TP63: variants seen among roughly 807,000 people sequenced by gnomAD.
TP63 encodes the protein tumor protein 63.
TP63 carries 17 observed loss-of-function variants against 82.8 expected under a neutral mutation model. The ratio of observed to expected loss-of-function variants is 0.21; its 90% CI spans 0.14 to 0.31. The LOEUF (loss-of-function observed/expected upper bound fraction) is 0.31, where lower values mean the gene tolerates loss of function less well. TP63 is among the 10% of genes least tolerant of loss of function. The pLI is 1.00. For missense variants in TP63, 648 were observed against 895.3 expected (o/e 0.72, Z 3.52); for synonymous variants, 330 against 321.7 (o/e 1.03, Z -0.28).
chr3:189,665,898 A>G (rs953609881), intron 1 of TP63, among the ~76,000 whole-genome samples: 2 of 152,102 alleles, frequency 1.3e-5, no homozygotes, highest in African/African-American at 4.8e-5. Flanking sequence ...AGCTTCCAGT[A>G]TATAAAAGCA....
chr3:189,809,591 A>G (rs531758784), intron 4 of TP63, among the ~76,000 whole-genome samples: 8 of 152,344 alleles, frequency 5.3e-5, no homozygotes, highest in African/African-American at 1.9e-4. Flanking sequence ...TCCAAATATC[A>G]TCATCTTAAT....
intron 1 of TP63, among the ~76,000 whole-genome samples, chr3:189,706,059 G>A (rs1718174330): frequency 6.6e-6 from 1 of 152,116 alleles, no homozygotes; most frequent in South Asian, 2.1e-4. Flanking sequence ...GCTTTGAATT[G>A]TGCATTTTAA....
At chr3:189,660,493 A>G (rs930530137) in intron 1 of TP63, among the ~76,000 whole-genome samples, 5 of 151,906 alleles carry the variant, frequency 3.3e-5, no homozygotes, top group Non-Finnish European at 7.4e-5. Context: ...AAGTTGGGTA[A>G]TGTGATGTCT....
At chr3:189,632,362 C>CAA (rs1729514388) in intron 1 of TP63, among the ~76,000 whole-genome samples, 1 of 152,024 alleles carries the variant, frequency 6.6e-6, no homozygotes, top group Non-Finnish European at 1.5e-5. Flanking sequence ...GGTGAGGTTA[C>CAA]AAAGGGTTAA....
the TP63 span, among the ~76,000 whole-genome samples, chr3:189,617,410 A>G: frequency 1.3e-5 from 2 of 152,304 alleles, 1 homozygote; most frequent in East Asian, 3.9e-4. Flanking sequence ...ATAAACAAAA[A>G]TATATTCATC....
intron 1 of TP63, among the ~76,000 whole-genome samples, chr3:189,641,323 G>A (rs1362844226): frequency 2.6e-5 from 4 of 151,990 alleles, no homozygotes; most frequent in Admixed American, 2.0e-4. Context: ...GAAGATCTTC[G>A]AAGCTCAGGT....
chr3:189,801,882 T>A (rs1435127916), intron 3 of TP63, among the ~76,000 whole-genome samples: 1 of 152,228 alleles, frequency 6.6e-6, no homozygotes, highest in African/African-American at 2.4e-5. Flanking sequence ...TATTCACTTT[T>A]TATATAATTT....
chr3:189,843,026 G>A (rs1284043399), intron 4 of TP63, among the ~76,000 whole-genome samples: 2 of 152,184 alleles, frequency 1.3e-5, no homozygotes, highest in African/African-American at 4.8e-5. Context: ...AATCTTTTTA[G>A]ACTGGGTTTC....
At position 189,666,360 on chromosome 3, in the gene TP63, T is replaced by C. The variant is rs1009760071; in HGVS notation, c.62+34783T>C. On this transcript the variant is annotated intron_variant, in intron 1 of 13. Transcript: ENST00000264731. Reference sequence around the variant, plus strand: ...CTACTATCATTCAAAACCCCTGAGATTGGTTACACAAAAGTTATATCAACT... The same window carrying C: ...CTACTATCATTCAAAACCCCTGAGACTGGTTACACAAAAGTTATATCAACT... Among the ~76,000 whole-genome samples, 14 of 152,160 alleles carry C rather than the reference T, an allele frequency of 9.2e-5. No individual in the cohort carries two copies. The South Asian group carries it at 1.7e-3, about 18-fold the overall frequency.
intron 3 of TP63, among the ~76,000 whole-genome samples, chr3:189,787,303 A>G (rs1357230213): frequency 6.6e-6 from 1 of 152,072 alleles, no homozygotes; most frequent in East Asian, 1.9e-4. Context: ...CTGGACAAAA[A>G]CAGGCTCTTA....
chr3:189,841,959 T>C (rs1714185391), intron 4 of TP63, among the ~76,000 whole-genome samples: 1 of 152,156 alleles, frequency 6.6e-6, no homozygotes, highest in African/African-American at 2.4e-5. Flanking sequence ...CTATCGTTTT[T>C]GTAGAAGCGT....
At chr3:189,789,863 C>A in intron 3 of TP63, 1 of 1,566,514 alleles carries the variant, frequency 6.4e-7, no homozygotes, top group Non-Finnish European at 8.6e-7. Context: ...TAGATTTTAG[C>A]ACTCCATTTA....
chr3:189,871,750 C>A (rs1482366709), intron 9 of TP63, among the ~76,000 whole-genome samples: 1 of 152,160 alleles, frequency 6.6e-6, no homozygotes, highest in African/African-American at 2.4e-5. Context: ...GAAACAGGAT[C>A]TCACTTTGTT....
At chr3:189,821,361 T>C (rs1246761869) in intron 4 of TP63, among the ~76,000 whole-genome samples, 1 of 152,252 alleles carries the variant, frequency 6.6e-6, no homozygotes, top group East Asian at 1.9e-4. Context: ...GCATTCATAC[T>C]GTTTGCATTT....
intron 4 of TP63, among the ~76,000 whole-genome samples, chr3:189,810,433 T>C (rs537700435): frequency 6.6e-6 from 1 of 152,340 alleles, no homozygotes; most frequent in Admixed American, 6.5e-5. Context: ...ATGGGCATAT[T>C]AGGGCTGCTA....
intron 3 of TP63, among the ~76,000 whole-genome samples, chr3:189,780,874 CTG>C (rs1724179017): frequency 6.6e-6 from 1 of 152,172 alleles, no homozygotes; most frequent in Non-Finnish European, 1.5e-5. Flanking sequence ...AGGTTTCAGT[CTG>C]TGTGTTTTCC....
chr3:189,667,057 C>T (rs904122962), intron 1 of TP63, among the ~76,000 whole-genome samples: 2 of 148,256 alleles, frequency 1.3e-5, no homozygotes, highest in Non-Finnish European at 3.0e-5. Flanking sequence ...AAAAGTGTGT[C>T]TCATGATTGA....
At chr3:189,825,214 G>A (rs879864475) in intron 4 of TP63, among the ~76,000 whole-genome samples, 2 of 152,150 alleles carry the variant, frequency 1.3e-5, no homozygotes, top group African/African-American at 4.8e-5. Flanking sequence ...TTTTTAAAAT[G>A]ATTTATAAAG....
At chr3:189,868,121 G>T (rs891455694) in intron 7 of TP63, among the ~76,000 whole-genome samples, 179 bp downstream of exon 7, 12 of 152,192 alleles carry the variant, frequency 7.9e-5, no homozygotes, top group African/African-American at 2.9e-4. Context: ...ACAAAGGAAG[G>T]TGGGTAAAGT....
Sources: gnomAD v4.1 joint callset for allele counts (sites outside exome capture counted in the v4.1 genomes callset) on GRCh38, gnomAD v4.1.1 for gene constraint, MANE v1.5 for transcripts, NCBI Gene and HGNC (gene_info 2026-07-23, HGNC 2026-07-21) for gene names.